Variants in GABBR2 observed in about 807,000 individuals in gnomAD.
The protein encoded by GABBR2 is gamma-aminobutyric acid type B receptor subunit 2.
Under a neutral mutation model 105.6 loss-of-function variants are expected in GABBR2, and 23 were observed. The ratio of observed to expected loss-of-function variants is 0.22; its 90% CI spans 0.16 to 0.31. The LOEUF is 0.31. Ranked by LOEUF, GABBR2 falls within the 10% of genes least tolerant of loss-of-function variation. The pLI is 1.00. For synonymous variants in GABBR2, 478 were observed against 499.7 expected (o/e 0.96, Z 0.58); for missense variants, 734 against 1,245.5 (o/e 0.59, Z 6.18).
chr9:98,356,766 C>T (rs55765055), intron 13 of GABBR2, among the ~76,000 whole-genome samples: 4,002 of 152,138 alleles, frequency 0.026, 166 homozygotes, highest in African/African-American at 0.093. Flanking sequence ...ACTAAGATGC[C>T]CTTCGGTGGG....
chr9:98,707,946 G>C (rs1462290251), intron 1 of GABBR2, among the ~76,000 whole-genome samples: 1 of 152,236 alleles, frequency 6.6e-6, no homozygotes. Flanking sequence ...GGACCTCAAA[G>C]CGCGGCTCGG....
chr9:98,312,997 G>A (rs1344488874), intron 13 of GABBR2, among the ~76,000 whole-genome samples: 1 of 152,136 alleles, frequency 6.6e-6, no homozygotes, highest in African/African-American at 2.4e-5. Flanking sequence ...TGATCTGCCC[G>A]TCTCCGCCTC....
intron 9 of GABBR2, among the ~76,000 whole-genome samples, chr9:98,393,209 A>G (rs997616361): frequency 3.3e-5 from 4 of 122,788 alleles, no homozygotes; most frequent in Non-Finnish European, 6.6e-5. Flanking sequence ...TGATCAATTC[A>G]TCTATCCATC....
chr9:98,526,192 A>G (rs756122438), intron 3 of GABBR2, among the ~76,000 whole-genome samples: 7 of 152,218 alleles, frequency 4.6e-5, no homozygotes, highest in African/African-American at 1.4e-4. Flanking sequence ...ACATTCTCCA[A>G]TAGTTTCCCA....
At chr9:98,351,617 T>G (rs1040637769) in intron 13 of GABBR2, among the ~76,000 whole-genome samples, 1 of 152,232 alleles carries the variant, frequency 6.6e-6, no homozygotes, top group Non-Finnish European at 1.5e-5. Context: ...TCAATTGTGT[T>G]TTTAAATTTC....
intron 1 of GABBR2, among the ~76,000 whole-genome samples, chr9:98,656,563 G>A (rs902440553): frequency 8.5e-5 from 13 of 152,218 alleles, no homozygotes; most frequent in Admixed American, 5.2e-4. Context: ...CCAGGTTTAC[G>A]TACACTGACA....
chr9:98,628,929 C>T (rs963568585), intron 1 of GABBR2, among the ~76,000 whole-genome samples: 5 of 152,216 alleles, frequency 3.3e-5, no homozygotes, highest in African/African-American at 1.2e-4. Flanking sequence ...TGTCCTTCCC[C>T]ACACTGTGTC....
intron 7 of GABBR2, among the ~76,000 whole-genome samples, chr9:98,436,348 CATATATATATATAT>C (rs1158239322): frequency 7.1e-3 from 54 of 7,590 alleles, no homozygotes; most frequent in Non-Finnish European, 0.011. Context: ...ACACACACAC[CATATATATATATAT>C]ATATATATAT....
chr9:98,340,727 G>C (rs1588111522), intron 13 of GABBR2, among the ~76,000 whole-genome samples: 1 of 152,364 alleles, frequency 6.6e-6, no homozygotes, highest in East Asian at 1.9e-4. Context: ...CCCTGATGAT[G>C]AACCATTTAC....
intron 1 of GABBR2, among the ~76,000 whole-genome samples, chr9:98,585,327 T>A (rs1020307572): frequency 6.6e-6 from 1 of 151,698 alleles, no homozygotes; most frequent in Admixed American, 6.6e-5. Flanking sequence ...AATGATGAGT[T>A]CATGTCCTTT....
At chr9:98,631,538 G>A (rs1423266392) in intron 1 of GABBR2, among the ~76,000 whole-genome samples, 1 of 152,166 alleles carries the variant, frequency 6.6e-6, no homozygotes, top group Non-Finnish European at 1.5e-5. Context: ...AAAGATTTTA[G>A]CACATGTTAG....
chr9:98,679,184 G>A (rs937214546), intron 1 of GABBR2, among the ~76,000 whole-genome samples: 2 of 152,132 alleles, frequency 1.3e-5, no homozygotes, highest in African/African-American at 2.4e-5. Context: ...CAAAGATGAC[G>A]ACAATTCAAT....
chr9:98,323,439 C>T (rs894244053), intron 13 of GABBR2, among the ~76,000 whole-genome samples: 3 of 152,244 alleles, frequency 2.0e-5, no homozygotes, highest in African/African-American at 7.2e-5. Context: ...CCCCATAGTT[C>T]CTGCCTGGCC....
intron 10 of GABBR2, among the ~76,000 whole-genome samples, chr9:98,387,800 T>A (rs548471059): frequency 2.6e-5 from 4 of 151,648 alleles, no homozygotes; most frequent in Admixed American, 1.3e-4. Flanking sequence ...ATTAAAATAA[T>A]TAATTAATTA....
intron 3 of GABBR2, among the ~76,000 whole-genome samples, chr9:98,508,438 C>T (rs933755176): frequency 6.6e-6 from 1 of 152,250 alleles, no homozygotes; most frequent in Non-Finnish European, 1.5e-5. Flanking sequence ...GTGCAGCGCA[C>T]CGTGCGCGAG....
chr9:98,438,679 C>T (rs1413607567), intron 7 of GABBR2, among the ~76,000 whole-genome samples: 3 of 152,176 alleles, frequency 2.0e-5, no homozygotes, highest in Non-Finnish European at 2.9e-5. Flanking sequence ...TAGTTTGACT[C>T]TGCTCTGTTC....
At chr9:98,574,081 G>A (rs1828877742) in intron 2 of GABBR2, among the ~76,000 whole-genome samples, 1 of 152,208 alleles carries the variant, frequency 6.6e-6, no homozygotes, top group African/African-American at 2.4e-5. Flanking sequence ...CCGGGGTTTT[G>A]AAGGATGAGC....
chr9:98,666,789 G>A (rs7870263), intron 1 of GABBR2, among the ~76,000 whole-genome samples: 141,337 of 152,240 alleles, frequency 0.93, 65,736 homozygotes, highest in Middle Eastern at 0.97. Context: ...CAATGGTAAA[G>A]GTACCATTAA....
At chr9:98,356,138 G>A (rs1345738643) in intron 13 of GABBR2, among the ~76,000 whole-genome samples, 1 of 152,176 alleles carries the variant, frequency 6.6e-6, no homozygotes, top group African/African-American at 2.4e-5. Flanking sequence ...GTTTGGCAAT[G>A]AGTGTTTTGA....
Sources: gnomAD v4.1 joint callset for allele counts (sites outside exome capture counted in the v4.1 genomes callset) on GRCh38, gnomAD v4.1.1 for gene constraint, MANE v1.5 for transcripts, NCBI Gene and HGNC (gene_info 2026-07-23, HGNC 2026-07-21) for gene names.